PPEF1: variants seen among roughly 807,000 people sequenced by gnomAD.
PPEF1 encodes serine/threonine-protein phosphatase with EF-hands 1.
PPEF1 carries 12 observed loss-of-function variants against 53.3 expected under a neutral mutation model. The ratio of observed to expected loss-of-function variants is 0.23; its 90% CI spans 0.14 to 0.36. PPEF1 has a LOEUF of 0.36. PPEF1 is among the 10% of genes least tolerant of loss of function. The pLI, the probability that PPEF1 is intolerant of heterozygous loss-of-function variation, is 1.00. For missense variants in PPEF1, 334 were observed against 490.4 expected (o/e 0.68, Z 3.01); for synonymous variants, 165 against 176.7 (o/e 0.93, Z 0.52).
intron 3 of PPEF1, among the ~76,000 whole-genome samples, chrX:18,748,285 C>A (rs980209322): frequency 8.9e-6 from 1 of 112,112 alleles, no homozygotes; most frequent in Non-Finnish European, 1.9e-5. Flanking sequence ...TTTTAAATTG[C>A]CAAATAGTAT....
upstream of PPEF1, among the ~76,000 whole-genome samples, chrX:18,704,315 A>C (rs1212675327): frequency 8.9e-6 from 1 of 111,807 alleles, no homozygotes; most frequent in Non-Finnish European, 1.9e-5. Context: ...GTTGGAAAAT[A>C]GTGTTTCTTC....
At chrX:18,720,873 C>T (rs1415152771) in intron 1 of PPEF1, among the ~76,000 whole-genome samples, 2 of 110,831 alleles carry the variant, frequency 1.8e-5, no homozygotes, top group African/African-American at 6.6e-5. Flanking sequence ...CCCCTCATCT[C>T]CTCAACTTCA....
intron 5 of PPEF1, among the ~76,000 whole-genome samples, chrX:18,760,305 C>T (rs2045634296): frequency 9.0e-6 from 1 of 111,129 alleles, no homozygotes; most frequent in South Asian, 3.8e-4. Flanking sequence ...TAATTAATGG[C>T]TTCAGATACT....
At chrX:18,733,259 G>A (rs967932667) in intron 2 of PPEF1, among the ~76,000 whole-genome samples, 1 of 111,789 alleles carries the variant, frequency 8.9e-6, no homozygotes, top group Non-Finnish European at 1.9e-5. Flanking sequence ...GCTGTCTTAC[G>A]TTGGATTTCC....
At chrX:18,709,432 T>C (rs1243268124) in intron 1 of PPEF1, among the ~76,000 whole-genome samples, 1 of 112,138 alleles carries the variant, frequency 8.9e-6, no homozygotes, top group Non-Finnish European at 1.9e-5. Flanking sequence ...TTTCATTGTA[T>C]GAATATGCCA....
At chrX:18,773,769 CCTCT>C (rs1028418392) in intron 6 of PPEF1, among the ~76,000 whole-genome samples, 3 of 109,782 alleles carry the variant, frequency 2.7e-5, no homozygotes, top group African/African-American at 6.6e-5. Flanking sequence ...CCACTGCAGT[CCTCT>C]CTCTCTCTCT....
intron 12 of PPEF1, among the ~76,000 whole-genome samples, chrX:18,816,879 C>T (rs755760239): frequency 2.7e-5 from 3 of 111,506 alleles, no homozygotes; most frequent in African/African-American, 9.8e-5. Flanking sequence ...CATGGAATTT[C>T]CTTTTTGTCT....
At position 18,827,408 on chromosome X, in the gene PPEF1, T is replaced by G. The variant is rs1378364749; in HGVS notation, c.1883T>G (p.Phe628Cys). The change falls in exon 16 of 16, where the codon TTT becomes TGT. Residue 628 changes from phenylalanine (F) to cysteine (C), a missense_variant. Physicochemically the swap from Phe to Cys is radical, Grantham distance 205 (BLOSUM62 -2). Coordinates refer to ENST00000470157, the MANE Select transcript of PPEF1 (RefSeq NM_001377996.1). ...MDLNKDGSIDFNEFLKAFYVV... is the reference protein window; with the variant it reads ...MDLNKDGSIDCNEFLKAFYVV... ...TTGAACAAAGATGGAAGCATTGACT[T>G]TAATGAGTTTTTAAAGGCTTTCTAT... 3.3e-6 allele frequency: 4 copies of G among 1,210,672 alleles called. No individual in the cohort carries two copies. The highest frequency in any genetic ancestry group is 4.5e-6 in the Non-Finnish European group (4 of 894,525).
chrX:18,745,183 TC>T (rs1372297837), intron 3 of PPEF1, among the ~76,000 whole-genome samples: 1 of 93,893 alleles, frequency 1.1e-5, no homozygotes, highest in Non-Finnish European at 2.0e-5. Context: ...TATATTATAT[TC>T]CATATAATTA....
chrX:18,746,476 A>G (rs1323385964), intron 3 of PPEF1, among the ~76,000 whole-genome samples: 5 of 111,751 alleles, frequency 4.5e-5, no homozygotes, highest in Non-Finnish European at 9.4e-5. Flanking sequence ...TTAGGCAATG[A>G]TGGTCATCAG....
At chrX:18,757,416 G>A (rs1256156372) in intron 4 of PPEF1, among the ~76,000 whole-genome samples, 1 of 110,783 alleles carries the variant, frequency 9.0e-6, no homozygotes, top group Non-Finnish European at 1.9e-5. Context: ...GACCTGGGAT[G>A]ATGATTCATT....
At chrX:18,803,495 C>T (rs2046590711) in intron 10 of PPEF1, among the ~76,000 whole-genome samples, 1 of 112,673 alleles carries the variant, frequency 8.9e-6, no homozygotes, top group African/African-American at 3.2e-5. Flanking sequence ...CTCTGTCTGT[C>T]ACCCAGGCTG....
intron 9 of PPEF1, among the ~76,000 whole-genome samples, chrX:18,788,326 A>AAAAG (rs2046260819): frequency 1.4e-5 from 1 of 69,133 alleles, no homozygotes; most frequent in African/African-American, 5.7e-5. Context: ...AAAAAAAAAA[A>AAAAG]AGGAAACTTA....
intron 5 of PPEF1, among the ~76,000 whole-genome samples, chrX:18,699,260 C>T: frequency 9.0e-6 from 1 of 111,343 alleles, no homozygotes. Context: ...GCCACCTTGC[C>T]AGTTATTTTT....
chrX:18,808,299 A>G (rs1204054046), intron 12 of PPEF1, among the ~76,000 whole-genome samples: 2 of 110,832 alleles, frequency 1.8e-5, no homozygotes, highest in Non-Finnish European at 3.8e-5. Flanking sequence ...ATCACACTGC[A>G]TACTGTATTC....
intron 3 of PPEF1, among the ~76,000 whole-genome samples, chrX:18,736,636 G>A (rs1374576974): frequency 9.0e-6 from 1 of 111,690 alleles, no homozygotes; most frequent in Admixed American, 9.6e-5. Context: ...GGATGGTGCT[G>A]GCCTCATAAA....
At chrX:18,753,948 A>G (rs973689661) in intron 4 of PPEF1, among the ~76,000 whole-genome samples, 10 of 109,586 alleles carry the variant, frequency 9.1e-5, no homozygotes, top group Non-Finnish European at 1.9e-4. Context: ...TGTTTAGTAG[A>G]TATCTATTAG....
intron 12 of PPEF1, among the ~76,000 whole-genome samples, chrX:18,810,641 GT>G (rs928753862): frequency 1.8e-5 from 2 of 112,058 alleles, no homozygotes; most frequent in African/African-American, 6.5e-5. Context: ...GTGGTCTTTT[GT>G]GGCTGGCCTC....
rs754168374 is a variant in PPEF1, at chrX:18,696,246, A to G, written c.-312-1599A>G. 4.6e-5 allele frequency among the ~76,000 whole-genome samples: 5 copies of G among 109,713 alleles called. No individual in the cohort carries two copies. In the East Asian group the frequency reaches 1.1e-3, roughly 25 times the overall value. On this transcript the variant is annotated intron_variant, in intron 4 of 21. Coordinates refer to the PPEF1 transcript ENST00000361511. ...TGGCTTACTGCAGCCTCGATCTTGCAGGCTCAAGTGATCCTCCTGCCTCAG... is the reference window on the plus strand; with the variant it reads ...TGGCTTACTGCAGCCTCGATCTTGCGGGCTCAAGTGATCCTCCTGCCTCAG...
Sources: allele counts gnomAD v4.1 joint callset (sites outside exome capture counted in the v4.1 genomes callset), GRCh38; gene constraint gnomAD v4.1.1; transcripts MANE v1.5; gene names NCBI Gene and HGNC (gene_info 2026-07-23, HGNC 2026-07-21).